FAXDC2: variants seen among roughly 807,000 people sequenced by gnomAD.
FAXDC2 encodes the protein fatty acid hydroxylase domain-containing protein 2.
FAXDC2 carries 41 observed loss-of-function variants against 40.9 expected under a neutral mutation model. That is an observed-to-expected ratio of 1.00 (90% CI 0.78 to 1.30). The LOEUF is 1.30. FAXDC2 is among the 50% of genes most tolerant of loss of function. FAXDC2 has a pLI of 0.00. For synonymous variants in FAXDC2, 157 were observed against 149.3 expected (o/e 1.05, Z -0.38); for missense variants, 390 against 408.8 (o/e 0.95, Z 0.40).
rs1442690678 is a variant in FAXDC2, at chr5:154,823,436, G to C, written c.523C>G (p.Leu175Val). ...TCCTCGATCAGCGTGAAGATGGCCA[G>C]CTCCAGGAGGAACCAGTGGAAGGTG... The part of the protein sequence containing the change: ...LPTFHWFLLE[L>V]AIFTLIEEVL... The change falls in exon 6 of 9, where the codon CTG (leucine) becomes GTG (valine). Residue 175 changes from leucine (L) to valine (V), a missense_variant. By Grantham distance (32) the Leu-to-Val change is conservative. Coordinates refer to ENST00000326080, the MANE Select transcript of FAXDC2 (RefSeq NM_032385.5). The C allele has an allele frequency of 2.5e-6, 4 of 1,614,024 alleles. No homozygotes were observed. Among genetic ancestry groups the C allele is most frequent in the African/African-American group, 2.7e-5 (2 of 74,946 alleles).
At chr5:154,821,207 A>G (rs1391701877) in intron 8 of FAXDC2, 53 bp downstream of exon 8, 2 of 1,433,356 alleles carry the variant, frequency 1.4e-6, no homozygotes, top group Non-Finnish European at 1.9e-6. Flanking sequence ...AAGCTTAAGG[A>G]GGGAGGGTGA....
chr5:154,835,984 G>T (rs1760337066), intron 2 of FAXDC2, among the ~76,000 whole-genome samples: 1 of 147,336 alleles, frequency 6.8e-6, no homozygotes, highest in East Asian at 2.1e-4. Flanking sequence ...TCCGCCTCCA[G>T]GGTTCAAGTG....
At chr5:154,842,521 T>G (rs112100684) in intron 1 of FAXDC2, among the ~76,000 whole-genome samples, 64 of 108,348 alleles carry the variant, frequency 5.9e-4, no homozygotes, top group African/African-American at 1.9e-3. Context: ...TGTTTTTTTT[T>G]TTTTTTTTTT....
intron 1 of FAXDC2, among the ~76,000 whole-genome samples, chr5:154,846,674 C>T (rs1288390295): frequency 6.6e-6 from 1 of 151,848 alleles, no homozygotes; most frequent in Non-Finnish European, 1.5e-5. Context: ...CATGAGCCAC[C>T]ATGCCTGGCC....
At chr5:154,824,671 T>C in intron 5 of FAXDC2, 1 of 670,658 alleles carries the variant, frequency 1.5e-6, no homozygotes, top group Non-Finnish European at 2.7e-6. Context: ...ATTTATTGAG[T>C]ACCCACTATG....
chr5:154,848,788 G>A (rs1442274626), intron 1 of FAXDC2, among the ~76,000 whole-genome samples: 3 of 151,826 alleles, frequency 2.0e-5, no homozygotes, highest in South Asian at 2.1e-4. Flanking sequence ...CCAACATGGC[G>A]AAACTCCGTC....
chr5:154,824,283 C>A, intron 5 of FAXDC2: 1 of 588,402 alleles, frequency 1.7e-6, no homozygotes, highest in East Asian at 2.8e-5. Context: ...CCCTTTGACC[C>A]TTCCCTTTGT....
Position 154,822,476 on chromosome 5 carries a change from T to A in FAXDC2, c.674A>T (p.His225Leu), listed in dbSNP as rs199868107. Residue 225 changes from histidine (H) to leucine (L), a missense_variant, in exon 7 of 9, where the codon CAT (histidine) becomes CTT (leucine). Transcript: ENST00000326080. Reference protein sequence around the residue: ...VISLYAHPIEHAVSNMLPVIV... With the variant: ...VISLYAHPIELAVSNMLPVIV... ...GGAGCATAGAGCTCTACTCACTGCA[T>A]GCTCTATAGGGTGGGCATAGAGAGA... The A allele has an allele frequency of 5.5e-4, 883 of 1,605,672 alleles. 7 individuals are homozygous for A. Among genetic ancestry groups the A allele is most frequent in the South Asian group, 5.4e-3 (492 of 90,916 alleles).
chr5:154,820,105 A>G lies in FAXDC2; in HGVS notation c.*211T>C. The G allele has an allele frequency of 2.0e-6, 1 of 499,998 alleles. No homozygotes were observed. The highest frequency in any genetic ancestry group is 3.7e-6 in the Non-Finnish European group (1 of 270,988). The allele number at this position is 499,998 out of a possible 1,614,324, so 31.0% of individuals were successfully genotyped here. Reference sequence around the variant, plus strand: ...CTGTGTTTTCCTTTTTCTTAAGCTAACTCCTGATCCCATTGAGGGACATCA... The same window carrying G: ...CTGTGTTTTCCTTTTTCTTAAGCTAGCTCCTGATCCCATTGAGGGACATCA... On this transcript the variant is annotated 3_prime_UTR_variant, in exon 9 of 9. Coordinates refer to ENST00000326080, the MANE Select transcript of FAXDC2 (RefSeq NM_032385.5).
At chr5:154,821,164 C>T in intron 8 of FAXDC2, 96 bp downstream of exon 8, 3 of 1,028,310 alleles carry the variant, frequency 2.9e-6, no homozygotes, top group Non-Finnish European at 4.5e-6. Flanking sequence ...CTAGCACTCA[C>T]ATGTAAACTG....
At chr5:154,828,305 T>A (rs1375018261) in intron 5 of FAXDC2, among the ~76,000 whole-genome samples, 1 of 152,108 alleles carries the variant, frequency 6.6e-6, no homozygotes, top group Non-Finnish European at 1.5e-5. Flanking sequence ...TTTTTTGTTT[T>A]GTTTTGTTTT....
chr5:154,843,290 T>C (rs899243798), intron 1 of FAXDC2, among the ~76,000 whole-genome samples: 6 of 152,204 alleles, frequency 3.9e-5, no homozygotes, highest in Non-Finnish European at 1.5e-5. Flanking sequence ...CCCTGTCTTA[T>C]CAACTCCATT....
Position 154,821,393 on chromosome 5 carries a change from A to G in FAXDC2, c.712T>C (p.Leu238=), listed in dbSNP as rs764491000. ...GAGGACAAGTGGGAGCCCATTACTAATGGGCCCACTATCACCGGTAGCATG... is the reference window on the plus strand; with the variant it reads ...GAGGACAAGTGGGAGCCCATTACTAGTGGGCCCACTATCACCGGTAGCATG... ...SNMLPVIVGP[L]VMGSHLSSIT... The change falls in exon 8 of 9, where the codon TTA becomes CTA. Residue 238 remains leucine (L), a synonymous_variant. Coordinates refer to ENST00000326080, the MANE Select transcript of FAXDC2 (RefSeq NM_032385.5). 6.2e-7 allele frequency: 1 copy of G among 1,612,664 alleles called. No homozygotes were observed. Among genetic ancestry groups the G allele is most frequent in the South Asian group, 1.1e-5 (1 of 90,974 alleles).
chr5:154,825,724 G>C (rs1026762122), intron 5 of FAXDC2, among the ~76,000 whole-genome samples: 3 of 149,954 alleles, frequency 2.0e-5, no homozygotes, highest in African/African-American at 7.4e-5. Flanking sequence ...AGTGATGGAA[G>C]TGGTGAGAAG....
rs935867316 is a variant in FAXDC2, at chr5:154,820,562, GC to G, written c.846-91del. The stretch of plus-strand genomic sequence containing the variant: ...TTGTGCCAGCCTCACACATTTCTCA[GC>G]CCTCCTACCCCACACCTGTCACCAC... On this transcript the variant is annotated intron_variant, in intron 8 of 8. Coordinates refer to ENST00000326080, the MANE Select transcript of FAXDC2 (RefSeq NM_032385.5). The G allele has an allele frequency of 3.7e-5, 41 of 1,109,874 alleles. 1 individual carries two copies. The Admixed American group carries it at 7.1e-4, about 19-fold the overall frequency. 68.8% of individuals were successfully genotyped at this position (1,109,874 alleles called of 1,614,324 possible). A position where few individuals can be genotyped will look rare whatever the true frequency, so the allele number is the denominator to read the frequency against.
chr5:154,836,473 C>T (rs979788195), intron 2 of FAXDC2, among the ~76,000 whole-genome samples: 4 of 152,182 alleles, frequency 2.6e-5, no homozygotes, highest in Admixed American at 6.5e-5. Context: ...ACAGATGACC[C>T]ACTCATATCC....
rs141025402 is a variant in FAXDC2 at position 154,823,291 on chromosome 5, A to G, written c.572+96T>C. On this transcript the variant is annotated intron_variant, in intron 6 of 8. Transcript: ENST00000326080. ...AGCCTCCCAAATTGCCAGGATTACA[A>G]GCGTGAGTCACTGCACCTGGCCTCA... 18 of 1,147,386 alleles carry G rather than the reference A, an allele frequency of 1.6e-5. No homozygotes were observed. In the East Asian group the frequency reaches 4.4e-4, roughly 28 times the overall value. 71.1% of individuals were successfully genotyped at this position (1,147,386 alleles called of 1,614,324 possible).
At chr5:154,846,463 A>G (rs1474090738) in intron 1 of FAXDC2, among the ~76,000 whole-genome samples, 11 of 152,210 alleles carry the variant, frequency 7.2e-5, no homozygotes, top group Non-Finnish European at 1.5e-4. Context: ...AGAAAGTAGG[A>G]GGATAATAGC....
intron 1 of FAXDC2, among the ~76,000 whole-genome samples, chr5:154,839,664 A>C (rs966497427): frequency 6.6e-6 from 1 of 152,170 alleles, no homozygotes; most frequent in Non-Finnish European, 1.5e-5. Context: ...AAAGAAAAAA[A>C]AAAGAACAAT....
Sources: allele counts gnomAD v4.1 joint callset (sites outside exome capture counted in the v4.1 genomes callset), GRCh38; gene constraint gnomAD v4.1.1; transcripts MANE v1.5; gene names NCBI Gene and HGNC (gene_info 2026-07-23, HGNC 2026-07-21).